The following GP6 variants were observed in gnomAD, a reference collection of about 807,000 sequenced individuals.
The protein encoded by GP6 is glycoprotein VI platelet, also known as platelet glycoprotein VI.
Under a neutral mutation model 37.3 loss-of-function variants are expected in GP6, and 45 were observed. That is an observed-to-expected ratio of 1.21 (90% CI 0.95 to 1.55). GP6 has a LOEUF of 1.55. Among genes scored for constraint, GP6 ranks in the 40% most tolerant of loss-of-function variants. The pLI, the probability that GP6 is intolerant of heterozygous loss-of-function variation, is 0.00. For missense variants in GP6, 813 were observed against 760.2 expected (o/e 1.07, Z -0.82); for synonymous variants, 340 against 316.4 (o/e 1.07, Z -0.79).
chr19:55,032,946 CGTGTTAGACACGGTGGACTCGTTCGTGTT>C (rs2074637775), intron 1 of GP6: 5 of 248,860 alleles, frequency 2.0e-5, no homozygotes, highest in East Asian at 2.0e-4. Context: ...TGGGCTCGTT[CGTGTTAGACACGGTGGACTCGTTCGTGTT>C]GTGTTAGACA....
At chr19:55,023,160 T>C (rs971616740) in intron 5 of GP6, among the ~76,000 whole-genome samples, 1 of 152,130 alleles carries the variant, frequency 6.6e-6, no homozygotes, top group Non-Finnish European at 1.5e-5. Context: ...AACAGACACA[T>C]AGACCAATGG....
At position 55,032,164 on chromosome 19, in the gene GP6, G is replaced by A. The variant is rs768168959; in HGVS notation, c.300C>T (p.Ser100=). 9 of 1,613,904 alleles carry A rather than the reference G, an allele frequency of 5.6e-6. No homozygotes were observed. The highest frequency in any genetic ancestry group is 7.6e-6 in the Non-Finnish European group (9 of 1,179,858). ...CCGTGGCAACGAGCTCCAGCTGGTC[G>A]CTGGGCAGGGACCAGAGGCTTCCGT... Residue 100 remains serine (S), a synonymous_variant, in exon 3 of 8, where the codon AGC becomes AGT. Coordinates refer to ENST00000310373, the MANE Select transcript of GP6 (RefSeq NM_001083899.2).
At chr19:55,021,050 TAAAA>T (rs60477411) in intron 5 of GP6, among the ~76,000 whole-genome samples, 127 of 107,708 alleles carry the variant, frequency 1.2e-3, no homozygotes, top group Admixed American at 2.2e-3. Context: ...AGACTCTGTT[TAAAA>T]AAAAAAAAAA....
rs556854980 is a variant in GP6, at chr19:55,021,520, G to GGTTTTTTTTTTTTTTTTTTTTTTTTTTT, written c.665-2810_665-2809insAAAAAAAAAAAAAAAAAAAAAAAAAAAC. ...ACCTGTTGTTTCTTGACTTTTGTTG[G>GGTTTTTTTTTTTTTTTTTTTTTTTTTTT]TTTTTTTTTTTTTTTTTTGAGATGG... On this transcript the variant is annotated intron_variant, in intron 5 of 7. Coordinates refer to ENST00000310373, the MANE Select transcript of GP6 (RefSeq NM_001083899.2). 1.6e-5 allele frequency among the ~76,000 whole-genome samples: 2 copies of GGTTTTTTTTTTTTTTTTTTTTTTTTTTT among 126,246 alleles called. 1 individual carries two copies. Among genetic ancestry groups the GGTTTTTTTTTTTTTTTTTTTTTTTTTTT allele is most frequent in the African/African-American group, 5.9e-5 (2 of 33,836 alleles). 82.8% of individuals were successfully genotyped at this position (126,246 alleles called of 152,430 possible).
chr19:55,028,339 A>G (rs1671197), intron 3 of GP6, among the ~76,000 whole-genome samples: 68 of 152,314 alleles, frequency 4.5e-4, no homozygotes, highest in African/African-American at 1.6e-3. Context: ...CTTATGATGT[A>G]TATCAGTTCA....
At chr19:55,026,550 C>G (rs949163284) in intron 4 of GP6, among the ~76,000 whole-genome samples, 2 of 151,950 alleles carry the variant, frequency 1.3e-5, no homozygotes, top group Non-Finnish European at 2.9e-5. Context: ...ATGTATATAA[C>G]CACATTATGA....
Position 55,033,037 on chromosome 19 carries a change from T to C in GP6, c.35-499A>G, listed in dbSNP as rs373779472. Among the ~76,000 whole-genome samples, 4 of 12,734 alleles carry C rather than the reference T, an allele frequency of 3.1e-4. 1 individual carries two copies. The highest frequency in any genetic ancestry group is 5.6e-3 in the South Asian group (2 of 356). The allele number at this position is 12,734 out of a possible 152,430, so 8.4% of individuals were successfully genotyped here. A position where few individuals can be genotyped will look rare whatever the true frequency, so the allele number is the denominator to read the frequency against. ...GTGGACTCGTTCGTGTTAGACACGGTGGACTCGTTCGTGTTGTGTTAGACA... is the reference window on the plus strand; with the variant it reads ...GTGGACTCGTTCGTGTTAGACACGGCGGACTCGTTCGTGTTGTGTTAGACA... On this transcript the variant is annotated intron_variant, in intron 1 of 7. Transcript: ENST00000310373.
chr19:55,031,760 T>C (rs892552864), intron 3 of GP6, among the ~76,000 whole-genome samples: 1 of 151,528 alleles, frequency 6.6e-6, no homozygotes, highest in Non-Finnish European at 1.5e-5. Flanking sequence ...CTCTCTCTCT[T>C]TTGTATTTTA....
At chr19:55,019,799 TC>T (rs1444761582) in intron 5 of GP6, among the ~76,000 whole-genome samples, 4 of 149,938 alleles carry the variant, frequency 2.7e-5, no homozygotes, top group African/African-American at 9.8e-5. Flanking sequence ...TGCCTCAGCC[TC>T]CCGAGTAGCT....
chr19:55,015,695 C>CT lies in GP6; in HGVS notation c.762dup (p.Asp255ArgfsTer6), dbSNP rs764228426. 1.6e-5 allele frequency: 26 copies of CT among 1,581,242 alleles called. No homozygotes were observed. Among genetic ancestry groups the CT allele is most frequent in the Non-Finnish European group, 2.2e-5 (25 of 1,149,818 alleles). On this transcript the variant is annotated frameshift_variant, in exon 7 of 8. Coordinates refer to ENST00000310373, the MANE Select transcript of GP6 (RefSeq NM_001083899.2). LOFTEE classifies it low-confidence loss of function (END_TRUNC). ...ATGACTTACTCACCAGCTGGAGAGT[C>CT]TGACTCCTTTGGACTGGCGGTGATA...
intron 5 of GP6, among the ~76,000 whole-genome samples, chr19:55,024,291 T>G: frequency 8.8e-6 from 1 of 113,350 alleles, no homozygotes; most frequent in Admixed American, 9.3e-5. Flanking sequence ...CACACACATA[T>G]GCACGCATGC....
intron 6 of GP6, among the ~76,000 whole-genome samples, chr19:55,017,213 T>C (rs2073909842): frequency 6.7e-6 from 1 of 150,036 alleles, no homozygotes; most frequent in South Asian, 2.1e-4. Context: ...AACTCGTGAG[T>C]TCAAGCGATT....
Position 55,027,685 on chromosome 19 carries a change from A to G in GP6, c.503T>C (p.Ile168Thr), listed in dbSNP as rs1187741314. The change falls in exon 4 of 8, where the codon ATC (isoleucine) becomes ACC (threonine). Residue 168 changes from isoleucine to threonine, a missense_variant. Ile to Thr is a moderately conservative substitution (Grantham distance 89). Transcript: ENST00000310373. ...TCCGCTGTGGGCGGCGGTCACCGTG[A>G]TGATGGGAAAACTAGCCCTGTACCA... The G allele has an allele frequency of 7.4e-6, 12 of 1,612,994 alleles. No individual in the cohort carries two copies. The highest frequency in any genetic ancestry group is 1.7e-5 in the Admixed American group (1 of 60,022).
chr19:55,015,609 C>G, intron 7 of GP6, 74 bp downstream of exon 7: 2 of 894,128 alleles, frequency 2.2e-6, no homozygotes, highest in Non-Finnish European at 3.8e-6. Flanking sequence ...GCAGCCCCTG[C>G]GTAGACAAAG....
chr19:55,027,467 C>T (rs969013545), intron 4 of GP6, 111 bp downstream of exon 4: 13 of 792,300 alleles, frequency 1.6e-5, no homozygotes, highest in Non-Finnish European at 2.6e-5. Context: ...GCCCCTGCAG[C>T]CCAGGGCTTC....
chr19:55,021,097 G>A (rs1419841095), intron 5 of GP6, among the ~76,000 whole-genome samples: 29 of 132,840 alleles, frequency 2.2e-4, no homozygotes, highest in African/African-American at 7.4e-4. Context: ...GGTGGCTCAC[G>A]CCTGTAATCC....
intron 3 of GP6, among the ~76,000 whole-genome samples, chr19:55,030,514 A>ATTATTAT (rs112970456): frequency 0.026 from 3,928 of 151,492 alleles, 162 homozygotes; most frequent in African/African-American, 0.089. Flanking sequence ...AATTATTATT[A>ATTATTAT]TTTTTTTTAG....
chr19:55,024,877 TGTTG>T (rs10526819), intron 5 of GP6, among the ~76,000 whole-genome samples: 103,452 of 150,578 alleles, frequency 0.69, 36,834 homozygotes, highest in Middle Eastern at 0.81. Flanking sequence ...TCTACAGGTT[TGTTG>T]GTTGGTTGGT....
intron 5 of GP6, among the ~76,000 whole-genome samples, chr19:55,019,029 G>C (rs1308581845): frequency 6.6e-6 from 1 of 152,126 alleles, no homozygotes; most frequent in African/African-American, 2.4e-5. Flanking sequence ...ACACACCCAG[G>C]GGTGGTGGAA....
Sources: allele counts gnomAD v4.1 joint callset (sites outside exome capture counted in the v4.1 genomes callset), GRCh38; gene constraint gnomAD v4.1.1; transcripts MANE v1.5; gene names NCBI Gene and HGNC (gene_info 2026-07-23, HGNC 2026-07-21).